The following SH3TC2 variants were observed in gnomAD, a reference collection of about 807,000 sequenced individuals.
SH3TC2 encodes the protein SH3 domain and tetratricopeptide repeats 2, also known as SH3 domain and tetratricopeptide repeat-containing protein 2.
Under a neutral mutation model 124.5 loss-of-function variants are expected in SH3TC2, and 87 were observed. The observed-to-expected ratio is 0.70, with a 90% CI of 0.59 to 0.84. The LOEUF (loss-of-function observed/expected upper bound fraction) is 0.84, where lower values mean the gene tolerates loss of function less well. Among genes scored for constraint, SH3TC2 ranks in the 40% least tolerant of loss-of-function variants. The pLI is 0.00. For synonymous variants in SH3TC2, 634 were observed against 628.5 expected, an observed-to-expected ratio of 1.01 and a Z score of -0.13; for missense variants, 1,536 against 1,566.4, an observed-to-expected ratio of 0.98 and a Z score of 0.33.
At chr5:149,022,523 G>A (rs1305768154) in intron 12 of SH3TC2, among the ~76,000 whole-genome samples, 3 of 152,170 alleles carry the variant, frequency 2.0e-5, no homozygotes, top group Admixed American at 6.5e-5. Context: ...GTGTGACTCT[G>A]TAATTTTGCT....
chr5:149,008,510 G>T (rs1189335328), intron 15 of SH3TC2: 2 of 378,592 alleles, frequency 5.3e-6, no homozygotes, highest in Non-Finnish European at 9.8e-6. Flanking sequence ...TTACACTTGG[G>T]GAACAACAGC....
rs146210753 is a variant in SH3TC2, at chr5:149,018,306, A to C, written c.3054-5572T>G. On this transcript the variant is annotated intron_variant, in intron 12 of 16. Coordinates refer to ENST00000515425, the MANE Select transcript of SH3TC2 (RefSeq NM_024577.4). ...CCCGCCCCCATGCCCACCAACCTCC[A>C]TATCTCCTTCTAGGGAAGAAGTTGA... 1.2e-4 allele frequency among the ~76,000 whole-genome samples: 18 copies of C among 152,174 alleles called. No individual in the cohort carries two copies. In the East Asian group the frequency reaches 3.5e-3, roughly 29 times the overall value.
intron 1 of SH3TC2, chr5:149,062,444 C>A (rs1754769546): frequency 4.0e-6 from 2 of 501,142 alleles, no homozygotes; most frequent in South Asian, 1.5e-5. Flanking sequence ...TTTCTTAGAG[C>A]AACAACTCTC....
chr5:149,008,001 C>T (rs1753719860), intron 15 of SH3TC2: 1 of 152,358 alleles, frequency 6.6e-6, no homozygotes, highest in Non-Finnish European at 1.5e-5. Context: ...CAAGGCCTTT[C>T]CTGAGATTAG....
intron 9 of SH3TC2, 37 bp downstream of exon 9, chr5:149,031,517 C>A (rs1323238258): frequency 3.1e-6 from 5 of 1,613,768 alleles, no homozygotes; most frequent in Admixed American, 1.7e-5. Flanking sequence ...TCTTGAGGAC[C>A]CCAGGCTTTT....
rs1754680316 is a variant in SH3TC2 at position 149,057,961 on chromosome 5, G to C, written c.52+5010C>G. Among the ~76,000 whole-genome samples, 10 of 152,318 alleles carry C rather than the reference G, an allele frequency of 6.6e-5. No homozygotes were observed. In the South Asian group the frequency reaches 2.1e-3, roughly 32 times the overall value. On this transcript the variant is annotated intron_variant, in intron 1 of 16. Transcript: ENST00000515425. Reference sequence around the variant, plus strand: ...TCTAGGACCCTCATCAGCACACTTAGTGATTTCTTTTCACTGGACTAGAAG... The same window carrying C: ...TCTAGGACCCTCATCAGCACACTTACTGATTTCTTTTCACTGGACTAGAAG...
chr5:149,021,647 ATTAG>A (rs1753971427), intron 12 of SH3TC2, among the ~76,000 whole-genome samples: 1 of 152,086 alleles, frequency 6.6e-6, no homozygotes, highest in African/African-American at 2.4e-5. Flanking sequence ...ATACCAACAA[ATTAG>A]TTAATTTAGA....
chr5:149,022,414 C>T (rs190015153), intron 12 of SH3TC2, among the ~76,000 whole-genome samples: 42 of 152,218 alleles, frequency 2.8e-4, no homozygotes, highest in Non-Finnish European at 4.7e-4. Context: ...AGATGGGAGA[C>T]ATTGGAACCC....
In SH3TC2 at chr5:148,988,164, T is replaced by C. The variant is rs1753364367; in HGVS notation, c.*16547A>G. 6.6e-6 allele frequency among the ~76,000 whole-genome samples: 1 copy of C among 152,108 alleles called. No homozygotes were observed. Among genetic ancestry groups the C allele is most frequent in the African/African-American group, 2.4e-5 (1 of 41,400 alleles). On this transcript the variant is annotated 3_prime_UTR_variant, in exon 17 of 17. Coordinates refer to ENST00000515425, the MANE Select transcript of SH3TC2 (RefSeq NM_024577.4). The stretch of plus-strand genomic sequence containing the variant: ...TGCACACAGGCTAGAAGTTGAGTGG[T>C]GGAAGATTCAAGAGAACAAGCTAGA...
intron 3 of SH3TC2, chr5:149,044,880 A>T (rs774113115): frequency 2.2e-6 from 1 of 456,608 alleles, no homozygotes; most frequent in Non-Finnish European, 4.0e-6. Context: ...CTCTTTGTGT[A>T]CTGATATAGG....
rs917438317 is a variant in SH3TC2 at position 149,001,322 on chromosome 5, C to T, written c.*3389G>A. On this transcript the variant is annotated 3_prime_UTR_variant, in exon 17 of 17. Coordinates refer to ENST00000515425, the MANE Select transcript of SH3TC2 (RefSeq NM_024577.4). ...CTAGTATACCTGAAAGCTGAGAAAA[C>T]ATGTTACAGGGTTTTCCACAATGTT... 3.4e-4 allele frequency: 51 copies of T among 152,104 alleles called. No homozygotes were observed. The highest frequency in any genetic ancestry group is 1.2e-3 in the African/African-American group (50 of 41,406). 9.4% of individuals were successfully genotyped at this position (152,104 alleles called of 1,614,324 possible). A position where few individuals can be genotyped will look rare whatever the true frequency, so the allele number is the denominator to read the frequency against.
intron 4 of SH3TC2, chr5:149,044,312 C>T: frequency 2.0e-6 from 1 of 497,046 alleles, no homozygotes; most frequent in Non-Finnish European, 3.7e-6. Flanking sequence ...TCTCCCTGGA[C>T]ACAAAAAAGC....
Position 148,985,797 on chromosome 5 carries a change from A to T in SH3TC2, c.*18914T>A, listed in dbSNP as rs1200261594. Among the ~76,000 whole-genome samples the T allele has an allele frequency of 6.6e-6, 1 of 152,196 alleles. No homozygotes were observed. The highest frequency in any genetic ancestry group is 6.5e-5 in the Admixed American group (1 of 15,270). On this transcript the variant is annotated 3_prime_UTR_variant, in exon 17 of 17. Coordinates refer to ENST00000515425, the MANE Select transcript of SH3TC2 (RefSeq NM_024577.4). ...AAACTATCAAAGCATTTTCCAAAAC[A>T]GCTGTTTCATTTTGCATTCCCAGCA...
At chr5:149,013,049 T>G (rs1161754887) in intron 12 of SH3TC2, among the ~76,000 whole-genome samples, 1 of 152,188 alleles carries the variant, frequency 6.6e-6, no homozygotes, top group South Asian at 2.1e-4. Flanking sequence ...TGGCACCTGA[T>G]GAATGTTTAA....
At chr5:149,023,436 T>C (rs935289162) in intron 12 of SH3TC2, among the ~76,000 whole-genome samples, 12 of 152,122 alleles carry the variant, frequency 7.9e-5, no homozygotes, top group Non-Finnish European at 8.8e-5. Flanking sequence ...AGAAAATATG[T>C]ATCATATATA....
chr5:149,027,905 G>A lies in SH3TC2; in HGVS notation c.1827C>T (p.Ala609=), dbSNP rs373737817. The A allele has an allele frequency of 1.2e-6, 2 of 1,613,898 alleles. No individual in the cohort carries two copies. The highest frequency in any genetic ancestry group is 1.7e-6 in the Non-Finnish European group (2 of 1,180,042). The part of the protein sequence containing the change: ...LACLPDRESS[A]KHELDVVAYV... The stretch of plus-strand genomic sequence containing the variant: ...AGGCCACCACGTCGAGTTCATGCTT[G>A]GCACTAGACTCACGGTCAGGCAGGC... The change falls in exon 11 of 17, where the codon GCC becomes GCT. Residue 609 remains alanine, a synonymous_variant. Coordinates refer to ENST00000515425, the MANE Select transcript of SH3TC2 (RefSeq NM_024577.4).
In SH3TC2 at chr5:148,988,744, G is replaced by A. The variant is rs139941418; in HGVS notation, c.*15967C>T. 2.2e-4 allele frequency among the ~76,000 whole-genome samples: 34 copies of A among 152,298 alleles called. No homozygotes were observed. The highest frequency in any genetic ancestry group is 7.8e-4 in the Admixed American group (12 of 15,300). On this transcript the variant is annotated 3_prime_UTR_variant, in exon 17 of 17. Transcript: ENST00000515425. ...TAGAGAACCCAAGCGAGAATTGCCCGGGTGAGCCCAGTCAATCCATCAGAC... is the reference window on the plus strand; with the variant it reads ...TAGAGAACCCAAGCGAGAATTGCCCAGGTGAGCCCAGTCAATCCATCAGAC...
chr5:149,026,517 G>T, intron 12 of SH3TC2, 55 bp downstream of exon 12: 1 of 1,602,486 alleles, frequency 6.2e-7, no homozygotes, highest in Non-Finnish European at 8.5e-7. Context: ...AAAGAACACT[G>T]TTTCTCCTTA....
chr5:148,985,837 T>A lies in SH3TC2; in HGVS notation c.*18874A>T, dbSNP rs897767066. Among the ~76,000 whole-genome samples, 1 of 152,204 alleles carries A rather than the reference T, an allele frequency of 6.6e-6. No individual in the cohort carries two copies. The highest frequency in any genetic ancestry group is 2.4e-5 in the African/African-American group (1 of 41,464). On this transcript the variant is annotated 3_prime_UTR_variant, in exon 17 of 17. Transcript: ENST00000515425. ...CATTCCCAGCAGCAATAGCCACTTT[T>A]ATTTTTCAATGTGTGGAATGTCATT...
Sources: allele counts gnomAD v4.1 joint callset (sites outside exome capture counted in the v4.1 genomes callset), GRCh38; gene constraint gnomAD v4.1.1; transcripts MANE v1.5; gene names NCBI Gene and HGNC (gene_info 2026-07-23, HGNC 2026-07-21).